Variants in TMCO1 observed in about 807,000 individuals in gnomAD.
TMCO1 encodes transmembrane and coiled-coil domains 1.
TMCO1 carries 29 observed loss-of-function variants against 29.3 expected under a neutral mutation model. That is an observed-to-expected ratio of 0.99 (90% CI 0.74 to 1.35). The LOEUF is 1.35. Among genes scored for constraint, TMCO1 ranks in the 40% most tolerant of loss-of-function variants. The probability of loss-of-function intolerance (pLI) is 0.00; values close to 1 mark genes in which losing one functional copy is unlikely to be tolerated. For synonymous variants in TMCO1, 80 were observed against 77.1 expected (o/e 1.04, Z -0.20); for missense variants, 173 against 225.5 (o/e 0.77, Z 1.49).
At chr1:165,753,451 TA>T (rs1306346897) in intron 4 of TMCO1, among the ~76,000 whole-genome samples, 3 of 109,542 alleles carry the variant, frequency 2.7e-5, no homozygotes, top group Non-Finnish European at 5.1e-5. Flanking sequence ...CCAACCTTGG[TA>T]ATAGAGCAAG....
intron 5 of TMCO1, among the ~76,000 whole-genome samples, chr1:165,747,267 C>CAAAAAA (rs137894882): frequency 1.2e-5 from 1 of 81,970 alleles, no homozygotes; most frequent in Non-Finnish European, 2.2e-5. Context: ...GGCTCTGTCT[C>CAAAAAA]AAAAAAAAAA....
rs1483475787 is a variant in TMCO1 at position 165,727,198 on chromosome 1, G to C, written c.*825C>G. On this transcript the variant is annotated 3_prime_UTR_variant, in exon 7 of 7. Transcript: ENST00000367881. ...CATATAACTATAACCTTGTCTCCAA[G>C]GGAGATCTAAGAGTGCCCCCACAAG... is the stretch of plus-strand genomic sequence containing the variant. 2.2e-6 allele frequency: 1 copy of C among 453,918 alleles called. No individual in the cohort carries two copies. The highest frequency in any genetic ancestry group is 4.4e-6 in the Non-Finnish European group (1 of 226,776). The allele number at this position is 453,918 out of a possible 1,614,324, so 28.1% of individuals were successfully genotyped here.
chr1:165,749,490 G>A (rs1009948231), intron 5 of TMCO1, among the ~76,000 whole-genome samples: 3 of 152,204 alleles, frequency 2.0e-5, no homozygotes, highest in East Asian at 1.9e-4. Context: ...AATTGTAGAC[G>A]AAACAAATAT....
chr1:165,767,805 A>C (rs961989875), intron 2 of TMCO1, among the ~76,000 whole-genome samples: 1 of 152,108 alleles, frequency 6.6e-6, no homozygotes, highest in African/African-American at 2.4e-5. Flanking sequence ...TCAGTCTCCC[A>C]AATAGCTGGG....
chr1:165,724,621 C>T (rs900979923), downstream of TMCO1: 3 of 454,010 alleles, frequency 6.6e-6, no homozygotes, highest in South Asian at 1.6e-5. Flanking sequence ...TAACAAGGCT[C>T]TAGTGATTCT....
At chr1:165,745,187 A>ATTT (rs540820751) in intron 5 of TMCO1, among the ~76,000 whole-genome samples, 3 of 138,730 alleles carry the variant, frequency 2.2e-5, no homozygotes, top group African/African-American at 7.9e-5. Flanking sequence ...TGTCTGGCTA[A>ATTT]TTTTTTTTTT....
rs878893670 is a variant in TMCO1 at position 165,752,251 on chromosome 1, CA to C, written c.256-83del. ...TATCTCAAAAGTTTTGGTTTCATGTCATTTTTTTTTTTTTTTTTTTTGAGGC... is the reference window on the plus strand; with the variant it reads ...TATCTCAAAAGTTTTGGTTTCATGTCTTTTTTTTTTTTTTTTTTTTGAGGC... On this transcript the variant is annotated intron_variant, in intron 4 of 6. Transcript: ENST00000367881. 0.14 allele frequency: 89,402 copies of C among 648,616 alleles called. 6,810 individuals carry two copies. Among genetic ancestry groups the C allele is most frequent in the East Asian group, 0.32 (7,952 of 25,186 alleles). 40.2% of individuals were successfully genotyped at this position (648,616 alleles called of 1,614,324 possible).
intron 6 of TMCO1, among the ~76,000 whole-genome samples, chr1:165,738,415 A>C (rs954757812): frequency 2.0e-5 from 3 of 152,254 alleles, no homozygotes; most frequent in African/African-American, 7.2e-5. Flanking sequence ...TATTCTGACT[A>C]TTCATTTCGC....
intron 6 of TMCO1, among the ~76,000 whole-genome samples, chr1:165,728,875 T>C (rs1188555759): frequency 6.6e-6 from 1 of 151,980 alleles, no homozygotes; most frequent in Non-Finnish European, 1.5e-5. Context: ...GGTGGGTAGA[T>C]CACTTGAGGC....
intron 5 of TMCO1, among the ~76,000 whole-genome samples, chr1:165,744,339 T>G (rs1458105949): frequency 6.6e-6 from 1 of 152,198 alleles, no homozygotes; most frequent in African/African-American, 2.4e-5. Flanking sequence ...TAAAACGAAT[T>G]ATTTTCAAAC....
intron 3 of TMCO1, among the ~76,000 whole-genome samples, chr1:165,759,007 C>T (rs1027146842): frequency 3.9e-5 from 6 of 152,032 alleles, no homozygotes; most frequent in East Asian, 1.9e-4. Context: ...CAATCCTTTA[C>T]GAATTGTCTT....
Position 165,743,470 on chromosome 1 carries a change from C to T in TMCO1, c.324-159G>A, listed in dbSNP as rs191460085. Among the ~76,000 whole-genome samples the T allele has an allele frequency of 1.6e-4, 24 of 152,154 alleles. No homozygotes were observed. In the East Asian group the frequency reaches 2.9e-3, roughly 18 times the overall value. Reference sequence around the variant, plus strand: ...TAAAAATACACATGAACCTGATGTACGGTGATGTAAAGAAGAGCCTAGATT... The same window carrying T: ...TAAAAATACACATGAACCTGATGTATGGTGATGTAAAGAAGAGCCTAGATT... On this transcript the variant is annotated intron_variant, in intron 5 of 6. Coordinates refer to ENST00000367881, the MANE Select transcript of TMCO1 (RefSeq NM_019026.6).
Position 165,727,082 on chromosome 1 carries a change from A to G in TMCO1, c.*941T>C, listed in dbSNP as rs1459597808. 15 of 453,952 alleles carry G rather than the reference A, an allele frequency of 3.3e-5. No homozygotes were observed. The highest frequency in any genetic ancestry group is 6.6e-5 in the Non-Finnish European group (15 of 226,788). The allele number at this position is 453,952 out of a possible 1,614,324, so 28.1% of individuals were successfully genotyped here. A position where few individuals can be genotyped will look rare whatever the true frequency, so the allele number is the denominator to read the frequency against. On this transcript the variant is annotated 3_prime_UTR_variant, in exon 7 of 7. Coordinates refer to ENST00000367881, the MANE Select transcript of TMCO1 (RefSeq NM_019026.6). ...TAATTCCATAGATTATGCGGGGAGG[A>G]TCATGGTACAAACATCCTTCTCCCT...
At chr1:165,741,525 T>C (rs141867672) in intron 6 of TMCO1, among the ~76,000 whole-genome samples, 1 of 152,168 alleles carries the variant, frequency 6.6e-6, no homozygotes, top group East Asian at 1.9e-4. Flanking sequence ...TCTGAGTGAG[T>C]GTAACATGAA....
At chr1:165,750,962 C>T (rs1286314376) in intron 5 of TMCO1, among the ~76,000 whole-genome samples, 16 of 152,026 alleles carry the variant, frequency 1.1e-4, no homozygotes, top group South Asian at 6.2e-4. Context: ...CCCAGCTACT[C>T]GGGAGGCTGA....
intron 3 of TMCO1, among the ~76,000 whole-genome samples, chr1:165,756,314 A>C (rs1171153056): frequency 6.6e-6 from 1 of 152,156 alleles, no homozygotes; most frequent in Non-Finnish European, 1.5e-5. Context: ...TGCCAAAAAA[A>C]TTAGTGAAGT....
chr1:165,766,004 T>G (rs1216441648), intron 2 of TMCO1, among the ~76,000 whole-genome samples: 1 of 152,234 alleles, frequency 6.6e-6, no homozygotes, highest in African/African-American at 2.4e-5. Context: ...TGGTTAACAC[T>G]GGAGCTAATG....
intron 6 of TMCO1, among the ~76,000 whole-genome samples, chr1:165,741,741 T>A (rs545917450): frequency 1.3e-5 from 2 of 152,284 alleles, no homozygotes; most frequent in South Asian, 4.1e-4. Context: ...AATTGTGTGG[T>A]TTAGCACCAT....
intron 6 of TMCO1, among the ~76,000 whole-genome samples, chr1:165,730,076 C>T (rs931405721): frequency 6.6e-6 from 1 of 150,666 alleles, no homozygotes; most frequent in Non-Finnish European, 1.5e-5. Flanking sequence ...AATCCCAGCA[C>T]TTTGGGAGGC....
Sources: allele counts gnomAD v4.1 joint callset (sites outside exome capture counted in the v4.1 genomes callset), GRCh38; gene constraint gnomAD v4.1.1; transcripts MANE v1.5; gene names NCBI Gene and HGNC (gene_info 2026-07-23, HGNC 2026-07-21).